TTC29: variants seen among roughly 807,000 people sequenced by gnomAD.
TTC29 encodes the protein tetratricopeptide repeat protein 29.
Under a neutral mutation model 58.1 loss-of-function variants are expected in TTC29, and 49 were observed. The observed-to-expected ratio is 0.84, with a 90% CI of 0.67 to 1.07. The LOEUF is 1.07. Ranked by LOEUF, TTC29 falls within the 50% of genes least tolerant of loss-of-function variation. TTC29 has a pLI of 0.00. For synonymous variants in TTC29, 209 were observed against 196.8 expected (o/e 1.06, Z -0.52); for missense variants, 582 against 555.6 (o/e 1.05, Z -0.48).
At chr4:146,798,197 G>C (rs1460016138) in intron 11 of TTC29, among the ~76,000 whole-genome samples, 2 of 151,968 alleles carry the variant, frequency 1.3e-5, no homozygotes, top group African/African-American at 4.8e-5. Context: ...TAGCCACAAA[G>C]TAAAGTATAT....
intron 4 of TTC29, 57 bp downstream of exon 4, chr4:146,937,537 G>T: frequency 8.9e-7 from 1 of 1,124,970 alleles, no homozygotes; most frequent in Non-Finnish European, 1.3e-6. Flanking sequence ...TTTCAATAAA[G>T]AATCAAGACA....
chr4:146,903,332 G>A (rs1335073188), intron 6 of TTC29, among the ~76,000 whole-genome samples: 1 of 152,118 alleles, frequency 6.6e-6, no homozygotes, highest in Non-Finnish European at 1.5e-5. Context: ...CACTCAGGCA[G>A]AAGCATGAGC....
chr4:146,775,177 C>T (rs1483509757), intron 11 of TTC29, among the ~76,000 whole-genome samples: 1 of 152,098 alleles, frequency 6.6e-6, no homozygotes, highest in Non-Finnish European at 1.5e-5. Flanking sequence ...GACAACCTAC[C>T]ATTGTGTCTT....
Position 146,730,658 on chromosome 4 carries a change from A to G in TTC29, c.1331-23107T>C, listed in dbSNP as rs562740844. On this transcript the variant is annotated intron_variant, in intron 11 of 12. Transcript: ENST00000325106. ...TGGTATCCTGTAAGCCATGTGAAGG[A>G]AGAATTTATATGACGAAGGAGTTAT... 3.3e-5 allele frequency among the ~76,000 whole-genome samples: 5 copies of G among 152,288 alleles called. No homozygotes were observed. The East Asian group carries it at 9.7e-4, about 29-fold the overall frequency.
intron 11 of TTC29, among the ~76,000 whole-genome samples, chr4:146,708,364 A>C (rs1005556742): frequency 1.5e-5 from 2 of 133,892 alleles, no homozygotes; most frequent in Non-Finnish European, 3.2e-5. Context: ...ATACACATGT[A>C]TGTGTGTGTA....
chr4:146,821,985 G>GTTTTTTTTTT (rs34100285), intron 9 of TTC29, among the ~76,000 whole-genome samples: 3 of 109,600 alleles, frequency 2.7e-5, no homozygotes, highest in Non-Finnish European at 5.5e-5. Context: ...CATGTCTAGT[G>GTTTTTTTTTT]TTTTTTTTTT....
chr4:146,819,392 T>C (rs1012666026), intron 10 of TTC29, among the ~76,000 whole-genome samples: 1 of 152,042 alleles, frequency 6.6e-6, no homozygotes, highest in East Asian at 1.9e-4. Flanking sequence ...TAAACATAAT[T>C]TGAGAACATA....
chr4:146,863,463 A>C, intron 8 of TTC29, among the ~76,000 whole-genome samples: 1 of 152,196 alleles, frequency 6.6e-6, no homozygotes, highest in Non-Finnish European at 1.5e-5. Context: ...AATTTATAGA[A>C]TGTATTATGT....
Position 146,707,064 on chromosome 4 carries a change from CTATA to C in TTC29, c.*90_*93del. The C allele has an allele frequency of 1.1e-6, 1 of 930,992 alleles. No homozygotes were observed. Among genetic ancestry groups the C allele is most frequent in the African/African-American group, 1.7e-5 (1 of 58,164 alleles). 57.7% of individuals were successfully genotyped at this position (930,992 alleles called of 1,614,324 possible). ...AGTCATAGTCCGTTTTATTATAACT[CTATA>C]TTATCTGTAACATGCTCCTATTACA... On this transcript the variant is annotated 3_prime_UTR_variant, in exon 13 of 13. Coordinates refer to ENST00000325106, the MANE Select transcript of TTC29 (RefSeq NM_031956.4).
At chr4:146,779,004 G>GAAAAAGAAAAGAAAAGA (rs71592470) in intron 11 of TTC29, among the ~76,000 whole-genome samples, 1 of 79,898 alleles carries the variant, frequency 1.3e-5, no homozygotes, top group Non-Finnish European at 2.4e-5. Context: ...AAAAAAAAAA[G>GAAAAAGAAAAGAAAAGA]AAAAGAAAAG....
intron 8 of TTC29, among the ~76,000 whole-genome samples, chr4:146,854,059 T>C (rs1027435797): frequency 6.6e-6 from 1 of 152,152 alleles, no homozygotes; most frequent in African/African-American, 2.4e-5. Flanking sequence ...ATAACTGATT[T>C]GTTTCTACAC....
At chr4:146,773,246 A>G (rs768596150) in intron 11 of TTC29, among the ~76,000 whole-genome samples, 6 of 152,096 alleles carry the variant, frequency 3.9e-5, no homozygotes, top group South Asian at 4.2e-4. Flanking sequence ...TGGGGCTTCC[A>G]GTACTATGTC....
intron 11 of TTC29, among the ~76,000 whole-genome samples, chr4:146,774,037 G>T (rs974549526): frequency 6.6e-6 from 1 of 152,018 alleles, no homozygotes; most frequent in African/African-American, 2.4e-5. Context: ...GCATAGAGTT[G>T]TTCATGTCTG....
intron 11 of TTC29, among the ~76,000 whole-genome samples, chr4:146,738,442 G>C (rs866713959): frequency 6.6e-6 from 1 of 152,138 alleles, no homozygotes; most frequent in Non-Finnish European, 1.5e-5. Flanking sequence ...ACAAACCTGA[G>C]TGGCCTCAGC....
At chr4:146,876,586 A>G (rs767360618) in intron 6 of TTC29, among the ~76,000 whole-genome samples, 58 of 152,210 alleles carry the variant, frequency 3.8e-4, no homozygotes, top group Non-Finnish European at 7.1e-4. Context: ...TAAGAATAGT[A>G]TTCTCAAAGA....
At chr4:146,772,605 A>G (rs1747818197) in intron 11 of TTC29, among the ~76,000 whole-genome samples, 1 of 152,130 alleles carries the variant, frequency 6.6e-6, no homozygotes, top group African/African-American at 2.4e-5. Flanking sequence ...TACCAGTACC[A>G]TGTGATTTTG....
At chr4:146,782,694 T>C (rs566267812) in intron 11 of TTC29, among the ~76,000 whole-genome samples, 1 of 152,116 alleles carries the variant, frequency 6.6e-6, no homozygotes, top group Non-Finnish European at 1.5e-5. Context: ...TTATAGTGTG[T>C]TGTTGCTTTA....
Position 146,803,484 on chromosome 4 carries a change from C to T in TTC29, c.1303G>A (p.Gly435Ser), listed in dbSNP as rs761134994. The change falls in exon 11 of 13, where the codon GGT becomes AGT. Residue 435 changes from glycine (G) to serine (S), a missense_variant. Gly to Ser is a moderately conservative substitution (Grantham distance 56). Coordinates refer to ENST00000325106, the MANE Select transcript of TTC29 (RefSeq NM_031956.4). ...NYLLSWKESR[G>S]NIEPDPVTEE... ...GTAACTGGATCAGGTTCAATGTTACCTCTGCTCTCCTTCCATGACAGCAGG... is the reference window on the plus strand; with the variant it reads ...GTAACTGGATCAGGTTCAATGTTACTTCTGCTCTCCTTCCATGACAGCAGG... 2 of 1,590,980 alleles carry T rather than the reference C, an allele frequency of 1.3e-6. No homozygotes were observed. The highest frequency in any genetic ancestry group is 1.7e-6 in the Non-Finnish European group (2 of 1,166,898).
intron 11 of TTC29, among the ~76,000 whole-genome samples, chr4:146,782,052 C>G (rs1164526528): frequency 6.6e-6 from 1 of 151,692 alleles, no homozygotes; most frequent in East Asian, 1.9e-4. Flanking sequence ...ATAAAACATG[C>G]TATTTAGCCA....
Sources: gnomAD v4.1 joint callset for allele counts (sites outside exome capture counted in the v4.1 genomes callset) on GRCh38, gnomAD v4.1.1 for gene constraint, MANE v1.5 for transcripts, NCBI Gene and HGNC (gene_info 2026-07-23, HGNC 2026-07-21) for gene names.